The following TNC variants were observed in gnomAD, a reference collection of about 807,000 sequenced individuals.
TNC encodes the protein tenascin C.
A neutral mutation model predicts 202.4 loss-of-function variants in TNC; 109 were observed. The ratio of observed to expected loss-of-function variants is 0.54; its 90% CI spans 0.46 to 0.63. TNC has a LOEUF of 0.63. Ranked by LOEUF, TNC falls within the 30% of genes least tolerant of loss-of-function variation. The pLI is 0.00. For missense variants in TNC, 2,756 were observed against 2,833.3 expected (o/e 0.97, Z 0.62); for synonymous variants, 1,007 against 1,089.7 (o/e 0.92, Z 1.50).
Position 115,046,390 on chromosome 9 carries a change from C to G in TNC, c.5125+20G>C. The G allele has an allele frequency of 6.2e-7, 1 of 1,612,592 alleles. No individual in the cohort carries two copies. The highest frequency in any genetic ancestry group is 8.5e-7 in the Non-Finnish European group (1 of 1,178,930). On this transcript the variant is annotated intron_variant, in intron 17 of 27. Transcript: ENST00000350763. ...CTGAGTCATGACTTTTCTCTGTTCT[C>G]TCCTGTTTATTTACAGTACCTGTTG...
intron 1 of TNC, among the ~76,000 whole-genome samples, chr9:115,092,159 C>T (rs1835281992): frequency 6.6e-6 from 1 of 151,938 alleles, no homozygotes; most frequent in Admixed American, 6.6e-5. Context: ...TGTATAACTG[C>T]CTATGGGGTT....
intron 10 of TNC, among the ~76,000 whole-genome samples, chr9:115,069,187 T>A (rs1297369259): frequency 6.6e-6 from 1 of 152,230 alleles, no homozygotes; most frequent in Non-Finnish European, 1.5e-5. Context: ...TAGCTGTGGC[T>A]AAAAACAAAA....
intron 25 of TNC, among the ~76,000 whole-genome samples, chr9:115,027,645 C>T (rs1033146147): frequency 2.0e-5 from 3 of 152,008 alleles, no homozygotes; most frequent in African/African-American, 7.3e-5. Context: ...AAATGAAGGG[C>T]AATGAATAAT....
chr9:115,082,116 G>C (rs1222017340), intron 5 of TNC, among the ~76,000 whole-genome samples, 188 bp from the exon 6 acceptor site: 1 of 152,210 alleles, frequency 6.6e-6, no homozygotes. Flanking sequence ...TCTCTAGTTT[G>C]TTTCTCCCAT....
chr9:115,094,849 G>T (rs1439655625), intron 1 of TNC, among the ~76,000 whole-genome samples: 1 of 151,178 alleles, frequency 6.6e-6, no homozygotes, highest in Non-Finnish European at 1.5e-5. Context: ...GTGTGTGTGT[G>T]TGTGTGTGTG....
At position 115,038,365 on chromosome 9, in the gene TNC, G is replaced by T; in HGVS notation, c.5408C>A (p.Ser1803Tyr). The T allele has an allele frequency of 6.2e-7, 1 of 1,614,124 alleles. No homozygotes were observed. Among genetic ancestry groups the T allele is most frequent in the African/African-American group, 1.3e-5 (1 of 75,072 alleles). The change falls in exon 20 of 28, where the codon TCT becomes TAT. Residue 1803 changes from serine (S) to tyrosine (Y), a missense_variant. By Grantham distance (144) the Ser-to-Tyr change is moderately radical. Around this residue, in one of 2 missense-constraint regions of TNC, gnomAD observed 2,559 missense variants for 2,546.0 expected, o/e 1.01. Transcript: ENST00000350763. The part of the protein sequence containing the change: ...GSFTTALDGP[S>Y]GLVTANITDS... ...AGTGATGTTGGCTGTCACCAGGCCA[G>T]ATGGGCCATCCAGAGCTGCAAAGAA...
In TNC at chr9:115,047,468, G is replaced by T. The variant is rs375900362; in HGVS notation, c.4853-786C>A. Among the ~76,000 whole-genome samples, 12 of 152,212 alleles carry T rather than the reference G, an allele frequency of 7.9e-5. No homozygotes were observed. The East Asian group carries it at 1.5e-3, about 20-fold the overall frequency. On this transcript the variant is annotated intron_variant, in intron 16 of 27. Transcript: ENST00000350763. ...CCTGTTTGATCCTCTTCCTTAAAAA[G>T]TATCCTTTGTCAAATAAGTTTGGAA...
intron 13 of TNC, among the ~76,000 whole-genome samples, chr9:115,061,179 G>T (rs1287441070): frequency 6.6e-6 from 1 of 152,200 alleles, no homozygotes; most frequent in Non-Finnish European, 1.5e-5. Context: ...ATAGTTGAAA[G>T]ATATAGATAC....
rs3827816 is a variant in TNC at position 115,085,918 on chromosome 9, C to G, written c.1813G>C (p.Val605Leu). Residue 605 changes from valine (V) to leucine (L), a missense_variant, in exon 3 of 28, where the codon GTC becomes CTC. This residue lies in a region of TNC where 2,559 missense variants were observed against 2,546.0 expected (regional missense o/e 1.01). Coordinates refer to ENST00000350763, the MANE Select transcript of TNC (RefSeq NM_002160.4). ...PSDCNNLGQC[V>L]SGRCICNEGY... Reference sequence around the variant, plus strand: ...TCGTTGCAGATGCAGCGGCCCGAGACGCATTGTCCTAAGTTGTTGCAGTCA... The same window carrying G: ...TCGTTGCAGATGCAGCGGCCCGAGAGGCATTGTCCTAAGTTGTTGCAGTCA... 2 of 1,613,156 alleles carry G rather than the reference C, an allele frequency of 1.2e-6. No individual in the cohort carries two copies. The highest frequency in any genetic ancestry group is 8.5e-7 in the Non-Finnish European group (1 of 1,179,278).
chr9:115,039,187 A>G (rs1042807278), intron 19 of TNC, among the ~76,000 whole-genome samples: 2 of 152,188 alleles, frequency 1.3e-5, no homozygotes, highest in African/African-American at 2.4e-5. Context: ...CAGAGAACAT[A>G]AAGCCAGGCT....
chr9:115,094,632 T>C (rs753901690), intron 1 of TNC, among the ~76,000 whole-genome samples: 4 of 152,182 alleles, frequency 2.6e-5, no homozygotes, highest in African/African-American at 4.8e-5. Flanking sequence ...CTAATCTTTA[T>C]AGAAAATTGA....
chr9:115,074,025 TG>T (rs1833660783), intron 9 of TNC, among the ~76,000 whole-genome samples, 159 bp from the exon 10 acceptor site: 1 of 152,148 alleles, frequency 6.6e-6, no homozygotes, highest in African/African-American at 2.4e-5. Context: ...TTTTTACTTT[TG>T]TAAAATAGGT....
At chr9:115,067,241 T>C (rs1019561764) in intron 10 of TNC, among the ~76,000 whole-genome samples, 5 of 152,188 alleles carry the variant, frequency 3.3e-5, no homozygotes, top group African/African-American at 1.2e-4. Context: ...CTCAAATATT[T>C]CAGCAGTCCT....
chr9:115,026,733 T>C (rs1172936862), intron 25 of TNC, 38 bp from the exon 26 acceptor site: 1 of 1,606,582 alleles, frequency 6.2e-7, no homozygotes, highest in Admixed American at 1.7e-5. Flanking sequence ...GAAGCACAGG[T>C]GACTGAGGCC....
intron 16 of TNC, among the ~76,000 whole-genome samples, chr9:115,047,443 C>A (rs1027769038): frequency 9.2e-5 from 14 of 152,062 alleles, no homozygotes; most frequent in Admixed American, 3.9e-4. Flanking sequence ...GTGAACTATT[C>A]CTGTTTGATC....
intron 6 of TNC, among the ~76,000 whole-genome samples, chr9:115,078,595 G>A (rs950815326): frequency 1.3e-5 from 2 of 151,892 alleles, no homozygotes; most frequent in East Asian, 3.9e-4. Context: ...GATGAACTTA[G>A]TCTCTTTAAA....
intron 4 of TNC, among the ~76,000 whole-genome samples, chr9:115,083,342 AATT>A (rs1834452575): frequency 6.6e-6 from 1 of 152,182 alleles, no homozygotes; most frequent in Admixed American, 6.5e-5. Context: ...ATATGAAGGT[AATT>A]ATACTGATGC....
chr9:115,059,052 G>A (rs370490428), intron 14 of TNC, among the ~76,000 whole-genome samples: 4 of 152,318 alleles, frequency 2.6e-5, no homozygotes, highest in East Asian at 3.9e-4. Flanking sequence ...TGTTCCAAAA[G>A]CTGCTGTGTG....
intron 13 of TNC, 55 bp downstream of exon 13, chr9:115,062,862 T>C: frequency 1.9e-6 from 3 of 1,568,612 alleles, no homozygotes; most frequent in Non-Finnish European, 2.6e-6. Flanking sequence ...TTTTCTCTAT[T>C]TCAATGACAT....
Sources: allele counts gnomAD v4.1 joint callset (sites outside exome capture counted in the v4.1 genomes callset), GRCh38; gene constraint gnomAD v4.1.1; regional missense constraint gnomAD v4.1.1; transcripts MANE v1.5; gene names NCBI Gene and HGNC (gene_info 2026-07-23, HGNC 2026-07-21).